Variants in ACSL6 observed in about 807,000 individuals in gnomAD.
ACSL6 encodes long-chain-fatty-acid--CoA ligase 6.
A neutral mutation model predicts 98.2 loss-of-function variants in ACSL6; 47 were observed. The ratio of observed to expected loss-of-function variants is 0.48; its 90% CI spans 0.38 to 0.61. ACSL6 has a LOEUF of 0.61. Ranked by LOEUF, ACSL6 falls within the 20% of genes least tolerant of loss-of-function variation. The pLI, the probability that ACSL6 is intolerant of heterozygous loss-of-function variation, is 0.00. For missense variants in ACSL6, 761 were observed against 913.4 expected (o/e 0.83, Z 2.15); for synonymous variants, 362 against 336.9 (o/e 1.07, Z -0.82).
chr5:131,965,863 G>A (rs1302763650), intron 17 of ACSL6, among the ~76,000 whole-genome samples: 2 of 152,242 alleles, frequency 1.3e-5, no homozygotes, highest in African/African-American at 4.8e-5. Context: ...CCATGGGCAA[G>A]GAATGCTATG....
At chr5:131,961,295 G>A (rs1307010388) in intron 18 of ACSL6, among the ~76,000 whole-genome samples, 2 of 152,040 alleles carry the variant, frequency 1.3e-5, no homozygotes, top group Non-Finnish European at 2.9e-5. Context: ...AAAGTGTTGG[G>A]ATTACAGGCG....
intron 1 of ACSL6, among the ~76,000 whole-genome samples, chr5:131,997,574 A>G (rs1017075552): frequency 6.6e-6 from 1 of 152,204 alleles, no homozygotes; most frequent in African/African-American, 2.4e-5. Flanking sequence ...CAGTTGGGCC[A>G]GTCATTTGCT....
At chr5:131,992,630 C>G (rs1349563581) in intron 2 of ACSL6, among the ~76,000 whole-genome samples, 1 of 152,210 alleles carries the variant, frequency 6.6e-6, no homozygotes, top group Non-Finnish European at 1.5e-5. Context: ...TGACACCATC[C>G]AGACCACTGT....
intron 16 of ACSL6, 93 bp from the exon 17 acceptor site, chr5:131,966,625 A>C: frequency 3.6e-6 from 4 of 1,096,036 alleles, no homozygotes; most frequent in Non-Finnish European, 5.6e-6. Flanking sequence ...AAGGTGCACT[A>C]CCCATCAGGA....
chr5:131,987,816 C>T lies in ACSL6; in HGVS notation c.831+232G>A, dbSNP rs964911553. Among the ~76,000 whole-genome samples, 7 of 152,158 alleles carry T rather than the reference C, an allele frequency of 4.6e-5. No homozygotes were observed. The East Asian group carries it at 5.8e-4, about 13-fold the overall frequency. On this transcript the variant is annotated intron_variant, in intron 7 of 20. Transcript: ENST00000651883. ...ACGGTCCACCAGTCAGCACCTAGTG[C>T]CAGGCTGGATTAACTGATCCAGCCA...
chr5:131,976,544 G>GGA, intron 10 of ACSL6, 104 bp downstream of exon 10: 64 of 827,128 alleles, frequency 7.7e-5, no homozygotes, highest in Non-Finnish European at 1.0e-4. Context: ...GTTATATCAA[G>GGA]AAAAAAAAAA....
At chr5:131,958,990 G>C (rs947581222) in intron 20 of ACSL6, among the ~76,000 whole-genome samples, 1 of 151,916 alleles carries the variant, frequency 6.6e-6, no homozygotes. Flanking sequence ...GTCAGAGTAA[G>C]TATGCTTATG....
chr5:131,966,596 T>C (rs1177664727), intron 16 of ACSL6, 64 bp from the exon 17 acceptor site: 1 of 1,414,448 alleles, frequency 7.1e-7, no homozygotes, highest in East Asian at 2.3e-5. Context: ...TGGGAAGCTG[T>C]CACCAGGCAT....
At position 131,966,506 on chromosome 5, in the gene ACSL6, G is replaced by A. The variant is rs368670588; in HGVS notation, c.1623C>T (p.Phe541=). 1 of 1,613,992 alleles carries A rather than the reference G, an allele frequency of 6.2e-7. No individual in the cohort carries two copies. Among genetic ancestry groups the A allele is most frequent in the African/African-American group, 1.3e-5 (1 of 74,886 alleles). ...GEICVRGPNV[F]KGYLKDPDRT... Reference sequence around the variant, plus strand: ...TGTCTGGATCTTTCAAGTAGCCTTTGAACACATTTGGTCCTCTCACACATA... The same window carrying A: ...TGTCTGGATCTTTCAAGTAGCCTTTAAACACATTTGGTCCTCTCACACATA... Residue 541 remains phenylalanine (F), a synonymous_variant, in exon 17 of 21, where the codon TTC becomes TTT. Transcript: ENST00000651883.
chr5:131,971,696 C>T (rs748809053), intron 13 of ACSL6, 51 bp from the exon 14 acceptor site: 3 of 1,483,548 alleles, frequency 2.0e-6, no homozygotes, highest in Non-Finnish European at 1.8e-6. Context: ...GAGATGGTGT[C>T]CAGTCCATCT....
chr5:131,970,318 G>A lies in ACSL6; in HGVS notation c.1435-118C>T, dbSNP rs184692052. On this transcript the variant is annotated intron_variant, in intron 14 of 20. Coordinates refer to ENST00000651883, the MANE Select transcript of ACSL6 (RefSeq NM_001009185.3). ...TGTCTGACTGCTTCATGATCAGGGC[G>A]ATGGAGGGAGGGAGGTGCTCTGGAG... 3.9e-5 allele frequency: 33 copies of A among 844,610 alleles called. 3 individuals carry two copies. Among genetic ancestry groups the A allele is most frequent in the African/African-American group, 2.8e-4 (17 of 60,200 alleles). 52.3% of individuals were successfully genotyped at this position (844,610 alleles called of 1,614,324 possible). A position where few individuals can be genotyped will look rare whatever the true frequency, so the allele number is the denominator to read the frequency against.
At position 131,954,616 on chromosome 5, in the gene ACSL6, T is replaced by A. The variant is rs1480034739; in HGVS notation, c.2032-245A>T. ...TAGTTGCTTACTCTATGCCAGGCAC[T>A]GAGGATACAAAGAGGAATCATGAAT... On this transcript the variant is annotated intron_variant, in intron 20 of 20. Coordinates refer to ENST00000651883, the MANE Select transcript of ACSL6 (RefSeq NM_001009185.3). Among the ~76,000 whole-genome samples, 3 of 152,188 alleles carry A rather than the reference T, an allele frequency of 2.0e-5. No homozygotes were observed. The East Asian group carries it at 5.8e-4, about 29-fold the overall frequency.
At chr5:131,997,262 C>T (rs1754840114) in intron 1 of ACSL6, among the ~76,000 whole-genome samples, 1 of 152,206 alleles carries the variant, frequency 6.6e-6, no homozygotes, top group Non-Finnish European at 1.5e-5. Context: ...CAGGTACTCC[C>T]TCTAAGGTGG....
chr5:132,004,873 G>C (rs1402351928), intron 1 of ACSL6, among the ~76,000 whole-genome samples: 1 of 152,162 alleles, frequency 6.6e-6, no homozygotes, highest in African/African-American at 2.4e-5. Context: ...GGGCATGGTG[G>C]CTCACACCTG....
chr5:132,004,837 G>T (rs1561813288), intron 1 of ACSL6, among the ~76,000 whole-genome samples: 1 of 152,160 alleles, frequency 6.6e-6, no homozygotes, highest in Non-Finnish European at 1.5e-5. Context: ...AGGGGAGTTG[G>T]CCTACAGAAT....
Position 131,954,330 on chromosome 5 carries a change from T to G in ACSL6, c.2073A>C (p.Gln691His). 6.2e-7 allele frequency: 1 copy of G among 1,614,040 alleles called. No homozygotes were observed. Among genetic ancestry groups the G allele is most frequent in the Non-Finnish European group, 8.5e-7 (1 of 1,179,962 alleles). ...TTAGTGTTGGTGTCAGCAAGCCATT[T>G]TGAACTGAGAACATGTCAGAATGGA... is the stretch of plus-strand genomic sequence containing the variant. The part of the protein sequence containing the change: ...IHIHSDMFSV[Q>H]NGLLTPTLKA... Residue 691 changes from glutamine to histidine, a missense_variant, in exon 21 of 21, where the codon CAA becomes CAC. Gln to His is a conservative substitution (Grantham distance 24). Transcript: ENST00000651883.
intron 1 of ACSL6, among the ~76,000 whole-genome samples, chr5:132,008,467 C>CT (rs1755534938): frequency 6.6e-6 from 1 of 152,222 alleles, no homozygotes; most frequent in South Asian, 2.1e-4. Context: ...CTTCTCCTTA[C>CT]TGGAGCCCAG....
At chr5:131,976,544 G>GAAAA in intron 10 of ACSL6, 104 bp downstream of exon 10, 1 of 827,516 alleles carries the variant, frequency 1.2e-6, no homozygotes, top group Non-Finnish European at 1.8e-6. Context: ...GTTATATCAA[G>GAAAA]AAAAAAAAAA....
At chr5:131,973,127 G>T in intron 12 of ACSL6, 139 bp downstream of exon 12, 1 of 1,200,740 alleles carries the variant, frequency 8.3e-7, no homozygotes, top group East Asian at 2.4e-5. Flanking sequence ...ATGAGAAAGA[G>T]TCAGGAACTA....
Sources: gnomAD v4.1 joint callset for allele counts (sites outside exome capture counted in the v4.1 genomes callset) on GRCh38, gnomAD v4.1.1 for gene constraint, MANE v1.5 for transcripts, NCBI Gene and HGNC (gene_info 2026-07-23, HGNC 2026-07-21) for gene names.